ARFGEF1: variants seen among roughly 807,000 people sequenced by gnomAD.
ARFGEF1 encodes the protein brefeldin A-inhibited guanine nucleotide-exchange protein 1.
A neutral mutation model predicts 231.0 loss-of-function variants in ARFGEF1; 42 were observed. The ratio of observed to expected loss-of-function variants is 0.18; its 90% CI spans 0.14 to 0.24. The LOEUF (loss-of-function observed/expected upper bound fraction) is 0.24. ARFGEF1 is among the 10% of genes least tolerant of loss of function. The pLI is 1.00. For synonymous variants in ARFGEF1, 710 were observed against 732.3 expected, an observed-to-expected ratio of 0.97 and a Z score of 0.49; for missense variants, 1,345 against 2,192.0, an observed-to-expected ratio of 0.61 and a Z score of 7.72.
At chr8:67,262,582 T>C (rs956779929) in intron 14 of ARFGEF1, among the ~76,000 whole-genome samples, 1 of 152,232 alleles carries the variant, frequency 6.6e-6, no homozygotes. Context: ...CAGCATTACA[T>C]GCTACAGAGA....
At chr8:67,221,910 T>C (rs1472647041) in intron 29 of ARFGEF1, among the ~76,000 whole-genome samples, 1 of 150,982 alleles carries the variant, frequency 6.6e-6, no homozygotes, top group African/African-American at 2.4e-5. Flanking sequence ...ACCTCCCAGG[T>C]TCAAGCCATT....
At chr8:67,227,658 C>G (rs1468426395) in intron 25 of ARFGEF1, 60 bp from the exon 26 acceptor site, 1 of 1,550,588 alleles carries the variant, frequency 6.4e-7, no homozygotes, top group African/African-American at 1.4e-5. Flanking sequence ...ATCTACAATT[C>G]TTTATTTTTT....
At position 67,198,354 on chromosome 8, in the gene ARFGEF1, A is replaced by G; in HGVS notation, c.*580T>C. On this transcript the variant is annotated 3_prime_UTR_variant, in exon 39 of 39. Coordinates refer to ENST00000262215, the MANE Select transcript of ARFGEF1 (RefSeq NM_006421.5). ...AGAAAATAAAGAAAACAGTGCAGGA[A>G]GAACTATATAATGTTTTAAGATTTT... is the stretch of plus-strand genomic sequence containing the variant. 1.0e-6 allele frequency: 1 copy of G among 984,616 alleles called. No individual in the cohort carries two copies. Among genetic ancestry groups the G allele is most frequent in the African/African-American group, 1.7e-5 (1 of 57,336 alleles). The allele number at this position is 984,616 out of a possible 1,614,324, so 61.0% of individuals were successfully genotyped here. A position where few individuals can be genotyped will look rare whatever the true frequency, so the allele number is the denominator to read the frequency against.
chr8:67,205,584 C>T (rs1337575099), intron 34 of ARFGEF1, among the ~76,000 whole-genome samples: 10 of 152,122 alleles, frequency 6.6e-5, no homozygotes, highest in South Asian at 2.1e-4. Context: ...GGGCTGGGCA[C>T]GGTGGCTCAT....
In ARFGEF1 at chr8:67,238,458, C is replaced by T. The variant is rs747212142; in HGVS notation, c.3174G>A (p.Gln1058=). The T allele has an allele frequency of 6.2e-7, 1 of 1,613,658 alleles. No homozygotes were observed. ...GAGGTTTCACTCCAGTTCCTATAAG[C>T]TGTGCCAGCTCCAACTGACTGATGC... ...LKCISQLELA[Q]LIGTGVKPRY... Residue 1058 remains glutamine, a synonymous_variant, in exon 22 of 39, where the codon CAG becomes CAA. Transcript: ENST00000262215.
chr8:67,236,783 G>A (rs931748216), intron 22 of ARFGEF1, among the ~76,000 whole-genome samples: 6 of 152,118 alleles, frequency 3.9e-5, no homozygotes, highest in Admixed American at 1.3e-4. Context: ...AGCCTGAACT[G>A]TTTTTCATTT....
rs1563894275 is a variant in ARFGEF1, at chr8:67,292,086, C to T, written c.677G>A (p.Arg226Gln). ...EAKQMEKERH[R>Q]QHHHLLQSPV... The stretch of plus-strand genomic sequence containing the variant: ...AGACTGTAACAGATGATGATGCTGC[C>T]GATGCCTTTCTTTTTCCATTTGTTT... Residue 226 changes from arginine (R) to glutamine (Q), a missense_variant, in exon 6 of 39, where the codon CGG becomes CAG. This residue lies in a region of ARFGEF1 where 398 missense variants were observed against 463.2 expected (regional missense o/e 0.86). Coordinates refer to ENST00000262215, the MANE Select transcript of ARFGEF1 (RefSeq NM_006421.5). 11 of 1,613,212 alleles carry T rather than the reference C, an allele frequency of 6.8e-6. No individual in the cohort carries two copies. The highest frequency in any genetic ancestry group is 7.6e-6 in the Non-Finnish European group (9 of 1,179,698).
chr8:67,331,066 A>G (rs1454862650), intron 1 of ARFGEF1, among the ~76,000 whole-genome samples: 1 of 151,972 alleles, frequency 6.6e-6, no homozygotes, highest in Non-Finnish European at 1.5e-5. Flanking sequence ...AATATTATTA[A>G]AAAAAAATTA....
intron 1 of ARFGEF1, among the ~76,000 whole-genome samples, chr8:67,305,909 T>C (rs1343834559): frequency 6.6e-6 from 1 of 152,222 alleles, no homozygotes; most frequent in Non-Finnish European, 1.5e-5. Flanking sequence ...TCATCTTAAC[T>C]AAGTACTTAT....
intron 1 of ARFGEF1, among the ~76,000 whole-genome samples, chr8:67,333,097 G>A (rs561828828): frequency 2.0e-5 from 3 of 149,778 alleles, no homozygotes; most frequent in African/African-American, 7.4e-5. Context: ...GTGCAGTGGC[G>A]CAATCTCAGC....
At chr8:67,283,368 A>G (rs1805617640) in intron 7 of ARFGEF1, among the ~76,000 whole-genome samples, 1 of 152,194 alleles carries the variant, frequency 6.6e-6, no homozygotes, top group African/African-American at 2.4e-5. Context: ...GATTATTTAA[A>G]TAAATTATGG....
At chr8:67,186,466 C>T (rs1053647901) in intron 5 of ARFGEF1, among the ~76,000 whole-genome samples, 7 of 150,920 alleles carry the variant, frequency 4.6e-5, no homozygotes, top group Admixed American at 6.6e-5. Context: ...ACTCTATGCC[C>T]ACAAATCTGA....
At chr8:67,269,835 TCTTAAA>T (rs1247759455) in intron 10 of ARFGEF1, among the ~76,000 whole-genome samples, 3 of 152,190 alleles carry the variant, frequency 2.0e-5, no homozygotes, top group African/African-American at 7.2e-5. Context: ...ACAAGAAATT[TCTTAAA>T]GTTTTTCCTT....
At chr8:67,207,872 C>T (rs929624708) in intron 34 of ARFGEF1, among the ~76,000 whole-genome samples, 1 of 152,254 alleles carries the variant, frequency 6.6e-6, no homozygotes, top group Admixed American at 6.5e-5. Flanking sequence ...TCCAGGGGAG[C>T]GAGAGTGGAA....
intron 19 of ARFGEF1, among the ~76,000 whole-genome samples, chr8:67,250,562 A>G (rs1289195461): frequency 6.6e-6 from 1 of 152,208 alleles, no homozygotes; most frequent in African/African-American, 2.4e-5. Flanking sequence ...AGAATCCTGT[A>G]GTCATCTTTT....
chr8:67,312,253 A>G (rs926985920), intron 1 of ARFGEF1, among the ~76,000 whole-genome samples: 10 of 151,824 alleles, frequency 6.6e-5, no homozygotes, highest in African/African-American at 2.4e-4. Context: ...ATTAAAAAAA[A>G]AAAAAAACAA....
chr8:67,208,343 T>C (rs1587040155), intron 34 of ARFGEF1, among the ~76,000 whole-genome samples: 1 of 151,832 alleles, frequency 6.6e-6, no homozygotes, highest in South Asian at 2.1e-4. Context: ...AGAATAAAAC[T>C]TCATAGGCCA....
chr8:67,260,796 C>T (rs1320148665), intron 14 of ARFGEF1, among the ~76,000 whole-genome samples: 4 of 152,166 alleles, frequency 2.6e-5, no homozygotes, highest in African/African-American at 9.7e-5. Context: ...AGCTAGGTCT[C>T]TTGAGCCAAA....
intron 17 of ARFGEF1, among the ~76,000 whole-genome samples, chr8:67,254,079 A>G (rs1266803211): frequency 6.6e-6 from 1 of 152,210 alleles, no homozygotes; most frequent in African/African-American, 2.4e-5. Context: ...TTTATTTAAA[A>G]CCAGTTAACA....
Sources: gnomAD v4.1 joint callset for allele counts (sites outside exome capture counted in the v4.1 genomes callset) on GRCh38, gnomAD v4.1.1 for gene constraint, gnomAD v4.1.1 regional missense constraint, MANE v1.5 for transcripts, NCBI Gene and HGNC (gene_info 2026-07-23, HGNC 2026-07-21) for gene names.